BID: variants seen among roughly 807,000 people sequenced by gnomAD.
BID encodes the protein BH3 interacting domain death agonist.
A neutral mutation model predicts 17.4 loss-of-function variants in BID; 19 were observed. That is an observed-to-expected ratio of 1.09 (90% CI 0.76 to 1.60). The LOEUF (loss-of-function observed/expected upper bound fraction) is 1.60, where lower values mean the gene tolerates loss of function less well. Among genes scored for constraint, BID ranks in the 40% most tolerant of loss-of-function variants. The pLI, the probability that BID is intolerant of heterozygous loss-of-function variation, is 0.00. For missense variants in BID, 226 were observed against 256.0 expected (o/e 0.88, Z 0.80); for synonymous variants, 108 against 102.8 (o/e 1.05, Z -0.31).
At chr22:17,750,326 C>G in intron 1 of BID, 152 bp from the exon 2 acceptor site, 1 of 693,780 alleles carries the variant, frequency 1.4e-6, no homozygotes, top group Non-Finnish European at 2.4e-6. Flanking sequence ...TTCTCCTTGG[C>G]GGGAGCCAAG....
intron 1 of BID, among the ~76,000 whole-genome samples, chr22:17,767,350 A>G (rs529500518): frequency 6.6e-6 from 1 of 152,218 alleles, no homozygotes; most frequent in South Asian, 2.1e-4. Flanking sequence ...GAGTTCCTCC[A>G]ATTCAAGACA....
In BID at chr22:17,774,438, C is replaced by T. The variant is rs1229530301; in HGVS notation, c.-116G>A. On this transcript the variant is annotated 5_prime_UTR_variant, in exon 1 of 6. Coordinates refer to ENST00000622694, the MANE Select transcript of BID (RefSeq NM_001196.4). ...GGGCCGAGGCAGCGTCTCCCAGGCG[C>T]GCGGACACGGTCGACTACCCGCTTC... The T allele has an allele frequency of 2.1e-5, 6 of 290,930 alleles. No individual in the cohort carries two copies. Among genetic ancestry groups the T allele is most frequent in the Non-Finnish European group, 4.4e-5 (6 of 136,386 alleles). 18.0% of individuals were successfully genotyped at this position (290,930 alleles called of 1,614,324 possible).
intron 5 of BID, among the ~76,000 whole-genome samples, chr22:17,737,807 TAAGCTGCTA>T (rs2061430506): frequency 6.6e-6 from 1 of 152,318 alleles, no homozygotes; most frequent in South Asian, 2.1e-4. Flanking sequence ...TCTCCAATAG[TAAGCTGCTA>T]AAGCTCCAAA....
chr22:17,736,462 A>G (rs2145869477), intron 5 of BID, among the ~76,000 whole-genome samples: 1 of 116,744 alleles, frequency 8.6e-6, no homozygotes, highest in Non-Finnish European at 2.2e-5. Flanking sequence ...TGTCTCAAAA[A>G]AAAAAAAAAA....
chr22:17,746,151 A>G (rs554981750), intron 2 of BID, among the ~76,000 whole-genome samples: 1 of 151,990 alleles, frequency 6.6e-6, no homozygotes. Context: ...GTTCTCACTT[A>G]TAAGTGGGAG....
intron 2 of BID, among the ~76,000 whole-genome samples, 188 bp from the exon 3 acceptor site, chr22:17,744,201 C>T (rs1203028924): frequency 2.6e-5 from 4 of 152,204 alleles, no homozygotes; most frequent in Admixed American, 1.3e-4. Flanking sequence ...CAGCTTTAAG[C>T]AGCACTGCCC....
chr22:17,735,725 C>T (rs776401503), intron 5 of BID, 134 bp from the exon 6 acceptor site: 10 of 1,084,648 alleles, frequency 9.2e-6, no homozygotes, highest in Middle Eastern at 2.5e-4. Context: ...AAGTCCTATC[C>T]GTGCATCCTA....
chr22:17,735,732 C>T, intron 5 of BID, 141 bp from the exon 6 acceptor site: 1 of 1,050,352 alleles, frequency 9.5e-7, no homozygotes, highest in Non-Finnish European at 1.4e-6. Context: ...ATCCGTGCAT[C>T]CTACTTTTTG....
rs868546130 is a variant in BID at position 17,735,132 on chromosome 22, C to T, written c.*448G>A. On this transcript the variant is annotated 3_prime_UTR_variant, in exon 6 of 6. Coordinates refer to ENST00000622694, the MANE Select transcript of BID (RefSeq NM_001196.4). The stretch of plus-strand genomic sequence containing the variant: ...TAAGGGGTATGTTCCTTCTCTGATT[C>T]TTGCTTTCCTCAAACAGGATACTGC... The T allele has an allele frequency of 6.1e-6, 1 of 163,090 alleles. No individual in the cohort carries two copies. The highest frequency in any genetic ancestry group is 1.3e-5 in the Non-Finnish European group (1 of 74,644). 10.1% of individuals were successfully genotyped at this position (163,090 alleles called of 1,614,324 possible).
At chr22:17,739,701 G>A (rs536216391) in intron 3 of BID, 112 of 640,776 alleles carry the variant, frequency 1.7e-4, no homozygotes, top group African/African-American at 1.7e-3. Flanking sequence ...TCAGGGCCTC[G>A]GCTGAGGCCC....
At chr22:17,767,707 C>T (rs9618106) in intron 1 of BID, among the ~76,000 whole-genome samples, 4 of 152,022 alleles carry the variant, frequency 2.6e-5, no homozygotes, top group Admixed American at 6.6e-5. Flanking sequence ...TGGGTAAGCC[C>T]GAAACCAACA....
At chr22:17,756,470 TCTTTCTTTTC>T (rs2061589574) in intron 1 of BID, among the ~76,000 whole-genome samples, 1 of 103,932 alleles carries the variant, frequency 9.6e-6, no homozygotes, top group Non-Finnish European at 2.3e-5. Context: ...TTTCTTTCTT[TCTTTCTTTTC>T]TTTCTTTCTT....
At chr22:17,760,367 G>A (rs1409869511) in intron 1 of BID, among the ~76,000 whole-genome samples, 1 of 144,562 alleles carries the variant, frequency 6.9e-6, no homozygotes, top group Non-Finnish European at 1.5e-5. Flanking sequence ...CAGAAGAATC[G>A]CTTGAACCCA....
chr22:17,774,396 G>GGGGCGC lies in BID; in HGVS notation c.-80_-75dup, dbSNP rs2061745111. On this transcript the variant is annotated 5_prime_UTR_variant, in exon 1 of 6. Transcript: ENST00000622694. ...GTGCACTCACCACCCTCCAGCCGCG[G>GGGGCGC]GGGCGCGGGCGCGTCCGGGCCGAGG... The GGGGCGC allele has an allele frequency of 4.2e-6, 1 of 238,178 alleles. No individual in the cohort carries two copies. Among genetic ancestry groups the GGGGCGC allele is most frequent in the Non-Finnish European group, 9.0e-6 (1 of 110,500 alleles). 14.8% of individuals were successfully genotyped at this position (238,178 alleles called of 1,614,324 possible). A position where few individuals can be genotyped will look rare whatever the true frequency, so the allele number is the denominator to read the frequency against.
intron 1 of BID, among the ~76,000 whole-genome samples, chr22:17,751,296 CG>C (rs1569044352): frequency 6.6e-6 from 1 of 151,008 alleles, no homozygotes; most frequent in African/African-American, 2.4e-5. Flanking sequence ...GGCGTGAACC[CG>C]GGAAGCGGAG....
Position 17,745,623 on chromosome 22 carries a change from C to G in BID, c.13-1610G>C, listed in dbSNP as rs536620996. 2.5e-3 allele frequency among the ~76,000 whole-genome samples: 373 copies of G among 152,126 alleles called. 1 individual carries two copies. The highest frequency in any genetic ancestry group is 8.2e-3 in the African/African-American group (341 of 41,486). On this transcript the variant is annotated intron_variant, in intron 2 of 5. Coordinates refer to ENST00000622694, the MANE Select transcript of BID (RefSeq NM_001196.4). ...CATGATCACACCACTGCACTCCAAC[C>G]TGGGTGACAAAGTGAAACCCTGTCT...
chr22:17,762,388 C>G (rs555001420), intron 1 of BID, among the ~76,000 whole-genome samples: 2 of 151,936 alleles, frequency 1.3e-5, no homozygotes, highest in Non-Finnish European at 2.9e-5. Flanking sequence ...CCCAGCTACT[C>G]GGGAGGCTGA....
chr22:17,765,768 A>ATGT (rs1361512704), intron 1 of BID, among the ~76,000 whole-genome samples: 1 of 152,238 alleles, frequency 6.6e-6, no homozygotes, highest in Non-Finnish European at 1.5e-5. Context: ...AACATGGCAC[A>ATGT]TGTATATATA....
chr22:17,754,140 G>A (rs2061563753), intron 1 of BID, among the ~76,000 whole-genome samples: 1 of 151,756 alleles, frequency 6.6e-6, no homozygotes, highest in Non-Finnish European at 1.5e-5. Flanking sequence ...CAGTCTCCAG[G>A]ACTCTGCCGG....
Sources: gnomAD v4.1 joint callset for allele counts (sites outside exome capture counted in the v4.1 genomes callset) on GRCh38, gnomAD v4.1.1 for gene constraint, MANE v1.5 for transcripts, NCBI Gene and HGNC (gene_info 2026-07-23, HGNC 2026-07-21) for gene names.